ACAP3: variants seen among roughly 807,000 people sequenced by gnomAD.
ACAP3 encodes the protein arf-GAP with coiled-coil, ANK repeat and PH domain-containing protein 3.
A neutral mutation model predicts 104.1 loss-of-function variants in ACAP3; 56 were observed. The ratio of observed to expected loss-of-function variants is 0.54; its 90% CI spans 0.43 to 0.67. ACAP3 has a LOEUF of 0.67. ACAP3 is among the 30% of genes least tolerant of loss of function. The pLI, the probability that ACAP3 is intolerant of heterozygous loss-of-function variation, is 0.00. For missense variants in ACAP3, 1,208 were observed against 1,174.9 expected, an observed-to-expected ratio of 1.03 and a Z score of -0.41; for synonymous variants, 628 against 496.2, an observed-to-expected ratio of 1.27 and a Z score of -3.53.
At position 1,303,739 on chromosome 1, in the gene ACAP3, T is replaced by C; in HGVS notation, c.105+347A>G. On this transcript the variant is annotated intron_variant, in intron 2 of 23. Transcript: ENST00000354700. The surrounding 1 kb of genome is among the most constrained non-coding windows in gnomAD (Gnocchi z 4.0). ...CCCCCCTCCACGGCCTGTTGCCCCC[T>C]CCCCTTTCTCAGCCCCAGCCCCAGC... 2 of 352,274 alleles carry C rather than the reference T, an allele frequency of 5.7e-6. No individual in the cohort carries two copies. Among genetic ancestry groups the C allele is most frequent in the South Asian group, 3.0e-5 (1 of 33,568 alleles). The allele number at this position is 352,274 out of a possible 1,614,324, so 21.8% of individuals were successfully genotyped here. A position where few individuals can be genotyped will look rare whatever the true frequency, so the allele number is the denominator to read the frequency against.
chr1:1,297,978 C>T (rs373045876), intron 13 of ACAP3, 35 bp downstream of exon 13: 13 of 1,610,260 alleles, frequency 8.1e-6, no homozygotes, highest in Admixed American at 3.3e-5. Flanking sequence ...TGGGCAGGTA[C>T]GCCCCCCGCC....
Position 1,303,085 on chromosome 1 carries a change from G to C in ACAP3, c.225+77C>G. ...GCAGACACCGGCCTGCTTCTGGCCT[G>C]GACGCCCTCAAGGGGCTGCCTCCCT... On this transcript the variant is annotated intron_variant, in intron 3 of 23. Coordinates refer to ENST00000354700, the MANE Select transcript of ACAP3 (RefSeq NM_030649.3). The surrounding 1 kb of genome is among the most constrained non-coding windows in gnomAD (Gnocchi z 4.0). The C allele has an allele frequency of 6.4e-7, 1 of 1,552,592 alleles. No individual in the cohort carries two copies.
rs921071960 is a variant in ACAP3 at position 1,298,133 on chromosome 1, G to A, written c.916-20C>T. 2 of 1,592,594 alleles carry A rather than the reference G, an allele frequency of 1.3e-6. No homozygotes were observed. Among genetic ancestry groups the A allele is most frequent in the Admixed American group, 3.5e-5 (2 of 57,270 alleles). ...GGCATCCTGTGGGCGGCACCGCTGTGGCCCCTGCCCTCAGCCACCACCCGG... is the reference window on the plus strand; with the variant it reads ...GGCATCCTGTGGGCGGCACCGCTGTAGCCCCTGCCCTCAGCCACCACCCGG... On this transcript the variant is annotated intron_variant, in intron 12 of 23. Transcript: ENST00000354700.
In ACAP3 at chr1:1,307,889, T is replaced by C. The variant is rs1641816157; in HGVS notation, c.-74A>G. The C allele has an allele frequency of 1.1e-6, 1 of 880,396 alleles. No homozygotes were observed. Among genetic ancestry groups the C allele is most frequent in the Non-Finnish European group, 1.4e-6 (1 of 735,292 alleles). The allele number at this position is 880,396 out of a possible 1,614,324, so 54.5% of individuals were successfully genotyped here. ...CGGCAGCCGCGCCGGCCCGGACCGC[T>C]CGTCCCGCCCGCGCCGCCTCGGCGC... On this transcript the variant is annotated 5_prime_UTR_variant, in exon 1 of 24. Coordinates refer to ENST00000354700, the MANE Select transcript of ACAP3 (RefSeq NM_030649.3).
intron 10 of ACAP3, 36 bp from the exon 11 acceptor site, chr1:1,298,715 C>G (rs768700534): frequency 6.7e-7 from 1 of 1,501,226 alleles, no homozygotes; most frequent in South Asian, 1.1e-5. Flanking sequence ...AGTGCCCACC[C>G]CAGGGGCCCT....
At position 1,304,070 on chromosome 1, in the gene ACAP3, C is replaced by CA. The variant is rs746033969; in HGVS notation, c.105+15dup. The stretch of plus-strand genomic sequence containing the variant: ...AAGCTTGGCCGGGCACAGGGCGCTC[C>CA]AGGCCCGCCCTTCACCTTGTCCAGT... On this transcript the variant is annotated intron_variant, in intron 2 of 23. Transcript: ENST00000354700. 48 of 1,550,404 alleles carry CA rather than the reference C, an allele frequency of 3.1e-5. 2 individuals are homozygous for CA. In the South Asian group the frequency reaches 5.7e-4, roughly 18 times the overall value.
At position 1,299,871 on chromosome 1, in the gene ACAP3, T is replaced by C; in HGVS notation, c.698A>G (p.Lys233Arg). 6.4e-7 allele frequency: 1 copy of C among 1,572,484 alleles called. No individual in the cohort carries two copies. The highest frequency in any genetic ancestry group is 8.6e-7 in the Non-Finnish European group (1 of 1,157,030). The change falls in exon 9 of 24, where the codon AAG (lysine) becomes AGG (arginine). Residue 233 changes from lysine (K) to arginine (R), a missense_variant. Lys to Arg is a conservative substitution (Grantham distance 26). Transcript: ENST00000354700. ...DQLVIDSAVE[K>R]REMERKHAAI... Reference sequence around the variant, plus strand: ...GGCGTGCTTTCGCTCCATCTCACGCTTTTCCACCGCAGAGTCGATCACCAG... The same window carrying C: ...GGCGTGCTTTCGCTCCATCTCACGCCTTTCCACCGCAGAGTCGATCACCAG...
rs1640996017 is a variant in ACAP3, at chr1:1,294,128, C to T, written c.2211G>A (p.Arg737=). The part of the protein sequence containing the change: ...ADVNQRDSRG[R]APLHHATLLG... ...GCAGCGTGGCGTGGTGCAGGGGCGC[C>T]CGGCCCCGGCTGTCTCTTTGGTTCA... The change falls in exon 22 of 24, where the codon CGG becomes CGA. Residue 737 remains arginine, a synonymous_variant. Transcript: ENST00000354700. The T allele has an allele frequency of 6.3e-7, 1 of 1,591,058 alleles. No homozygotes were observed. Among genetic ancestry groups the T allele is most frequent in the Non-Finnish European group, 8.6e-7 (1 of 1,169,056 alleles).
Position 1,294,176 on chromosome 1 carries a change from G to C in ACAP3, c.2163C>G (p.Phe721Leu), listed in dbSNP as rs927191107. Reference protein sequence around the residue: ...VLGGSLIVCEFLLQNGADVNQ... With the variant: ...VLGGSLIVCELLLQNGADVNQ... ...TCACGTCCGCTCCGTTTTGCAGCAG[G>C]AACTCACAGACGATCAAGGAGCCCT... The change falls in exon 22 of 24, where the codon TTC (phenylalanine) becomes TTG (leucine). Residue 721 changes from phenylalanine (F) to leucine (L), a missense_variant. Phe to Leu is a conservative substitution (Grantham distance 22). Transcript: ENST00000354700. 6.3e-7 allele frequency: 1 copy of C among 1,595,122 alleles called. No homozygotes were observed. Among genetic ancestry groups the C allele is most frequent in the East Asian group, 2.3e-5 (1 of 44,188 alleles).
In ACAP3 at chr1:1,298,421, C is replaced by T. The variant is rs757185297; in HGVS notation, c.864G>A (p.Arg288=). Residue 288 remains arginine, a splice_region_variant and synonymous_variant, in exon 12 of 24, where the codon CGG becomes CGA. Coordinates refer to ENST00000354700, the MANE Select transcript of ACAP3 (RefSeq NM_030649.3). The part of the protein sequence containing the change: ...RASNAFKTWN[R]RWFSIQNSQL... ...GGCTGTTCTGAATGGAGAACCAGCG[C>T]CTAGGTGGGTGGGGGGATGTGGGGA... The T allele has an allele frequency of 2.5e-6, 4 of 1,601,254 alleles. No individual in the cohort carries two copies. Among genetic ancestry groups the T allele is most frequent in the Middle Eastern group, 1.7e-4 (1 of 6,002 alleles).
Position 1,304,441 on chromosome 1 carries a change from C to T in ACAP3, c.48-298G>A, listed in dbSNP as rs568826199. On this transcript the variant is annotated intron_variant, in intron 1 of 23. Coordinates refer to ENST00000354700, the MANE Select transcript of ACAP3 (RefSeq NM_030649.3). Reference sequence around the variant, plus strand: ...GGGAGTCCCTCAGGGACAGTGCCCACCAAGGGCTGAGCCAGCCTCACCCGC... The same window carrying T: ...GGGAGTCCCTCAGGGACAGTGCCCATCAAGGGCTGAGCCAGCCTCACCCGC... 5 of 532,604 alleles carry T rather than the reference C, an allele frequency of 9.4e-6. No individual in the cohort carries two copies. The Admixed American group carries it at 1.6e-4, about 17-fold the overall frequency. The allele number at this position is 532,604 out of a possible 1,614,324, so 33.0% of individuals were successfully genotyped here.
intron 6 of ACAP3, 28 bp downstream of exon 6, chr1:1,300,481 C>A (rs555176415): frequency 1.9e-6 from 3 of 1,587,008 alleles, no homozygotes; most frequent in African/African-American, 2.7e-5. Flanking sequence ...AGCTGGTCCC[C>A]GCCCCCCAGC....
At position 1,303,690 on chromosome 1, in the gene ACAP3, C is replaced by T. The variant is rs531787209; in HGVS notation, c.105+396G>A. 3.7e-4 allele frequency: 144 copies of T among 390,076 alleles called. 1 individual carries two copies. Among genetic ancestry groups the T allele is most frequent in the African/African-American group, 2.9e-3 (134 of 46,754 alleles). 24.2% of individuals were successfully genotyped at this position (390,076 alleles called of 1,614,324 possible). A position where few individuals can be genotyped will look rare whatever the true frequency, so the allele number is the denominator to read the frequency against. The stretch of plus-strand genomic sequence containing the variant: ...GCCTGTTGCCCCCTCTTTCTCAGCC[C>T]ATGTGGGGCTCATGGACACGGCTCC... On this transcript the variant is annotated intron_variant, in intron 2 of 23. Coordinates refer to ENST00000354700, the MANE Select transcript of ACAP3 (RefSeq NM_030649.3). The surrounding 1 kb of genome is among the most constrained non-coding windows in gnomAD (Gnocchi z 4.0).
At chr1:1,297,680 T>C in intron 14 of ACAP3, 142 bp downstream of exon 14, 1 of 581,248 alleles carries the variant, frequency 1.7e-6, no homozygotes, top group Non-Finnish European at 2.5e-6. Flanking sequence ...GCAGGGGCCA[T>C]CCCCGGTGGC....
intron 4 of ACAP3, 81 bp from the exon 5 acceptor site, chr1:1,302,127 G>A: frequency 7.9e-7 from 1 of 1,262,842 alleles, no homozygotes; most frequent in Non-Finnish European, 1.0e-6. Context: ...CACCAGCAGA[G>A]GGCACTGCCC....
chr1:1,296,395 C>G (rs1570636468), intron 15 of ACAP3, 30 bp downstream of exon 15: 1 of 1,532,106 alleles, frequency 6.5e-7, no homozygotes, highest in East Asian at 2.4e-5. Flanking sequence ...AGCCCAACCC[C>G]CACCCCCAGC....
In ACAP3 at chr1:1,292,969, G is replaced by C. The variant is rs541714237; in HGVS notation, c.*595C>G. 2 of 152,262 alleles carry C rather than the reference G, an allele frequency of 1.3e-5. No homozygotes were observed. The highest frequency in any genetic ancestry group is 2.9e-5 in the Non-Finnish European group (2 of 68,066). The allele number at this position is 152,262 out of a possible 1,614,324, so 9.4% of individuals were successfully genotyped here. A position where few individuals can be genotyped will look rare whatever the true frequency, so the allele number is the denominator to read the frequency against. On this transcript the variant is annotated 3_prime_UTR_variant, in exon 24 of 24. Transcript: ENST00000354700. ...GGATGCGGCTGGGGCTGTCTGGCACGGGGACCTTCGTGGCCAGCCACGTGG... is the reference window on the plus strand; with the variant it reads ...GGATGCGGCTGGGGCTGTCTGGCACCGGGACCTTCGTGGCCAGCCACGTGG...
At position 1,296,640 on chromosome 1, in the gene ACAP3, G is replaced by T. The variant is rs758120107; in HGVS notation, c.1129-7C>A. 2 of 1,533,558 alleles carry T rather than the reference G, an allele frequency of 1.3e-6. No individual in the cohort carries two copies. The allele number at this position is 1,533,558 out of a possible 1,614,324, so 95.0% of individuals were successfully genotyped here. ...ATGCTGTGCGGTCCAGCCTCTGGAG[G>T]ATGGGGTGGAGCTGCTCGGTCCCGC... On this transcript the variant is annotated splice_region_variant and splice_polypyrimidine_tract_variant and intron_variant, in intron 14 of 23. Coordinates refer to ENST00000354700, the MANE Select transcript of ACAP3 (RefSeq NM_030649.3).
chr1:1,306,552 C>G (rs1452950579), intron 1 of ACAP3, among the ~76,000 whole-genome samples: 2 of 152,196 alleles, frequency 1.3e-5, no homozygotes, highest in Non-Finnish European at 2.9e-5. Context: ...CCCTGAGCCT[C>G]CCACTCCAAG....
Sources: allele counts gnomAD v4.1 joint callset (sites outside exome capture counted in the v4.1 genomes callset), GRCh38; gene constraint gnomAD v4.1.1; non-coding constraint Gnocchi (gnomAD v3.1); transcripts MANE v1.5; gene names NCBI Gene and HGNC (gene_info 2026-07-23, HGNC 2026-07-21).